RBFOX1: variants seen among roughly 807,000 people sequenced by gnomAD.
RBFOX1 encodes the protein RNA binding protein fox-1 homolog 1.
RBFOX1 carries 8 observed loss-of-function variants against 57.7 expected under a neutral mutation model. That is an observed-to-expected ratio of 0.14 (90% CI 0.08 to 0.25). The LOEUF (loss-of-function observed/expected upper bound fraction) is 0.25, where lower values mean the gene tolerates loss of function less well. Ranked by LOEUF, RBFOX1 falls within the 10% of genes least tolerant of loss-of-function variation. The pLI, the probability that RBFOX1 is intolerant of heterozygous loss-of-function variation, is 1.00. For missense variants in RBFOX1, 611 were observed against 548.5 expected (o/e 1.11, Z -1.14); for synonymous variants, 326 against 222.4 (o/e 1.47, Z -4.15).
chr16:6,538,546 C>A (rs548767788), intron 2 of RBFOX1, among the ~76,000 whole-genome samples: 94 of 152,206 alleles, frequency 6.2e-4, no homozygotes, highest in African/African-American at 2.1e-3. Flanking sequence ...TCATGCCACA[C>A]CCACTAGGAT....
At chr16:7,336,510 A>G (rs2096790730) in intron 4 of RBFOX1, among the ~76,000 whole-genome samples, 1 of 152,226 alleles carries the variant, frequency 6.6e-6, no homozygotes, top group African/African-American at 2.4e-5. Context: ...TCCTTCAGTT[A>G]TCCATTCACT....
intron 3 of RBFOX1, among the ~76,000 whole-genome samples, chr16:5,763,554 C>T (rs761625454): frequency 1.6e-4 from 25 of 152,264 alleles, no homozygotes; most frequent in Non-Finnish European, 3.1e-4. Context: ...GAGTAAATTG[C>T]TGCGATAGAA....
rs530333389 is a variant in RBFOX1, at chr16:7,045,943, C to T, written c.-15-6114C>T. ...AAAGTGCTGGGATTACAGGTGTGAG[C>T]CACCATGCCCGGCCAAGATAAACTT... On this transcript the variant is annotated intron_variant, in intron 3 of 15. Transcript: ENST00000550418. Among the ~76,000 whole-genome samples, 178 of 152,258 alleles carry T rather than the reference C, an allele frequency of 1.2e-3. 3 individuals carry two copies. The highest frequency in any genetic ancestry group is 4.3e-4 in the Non-Finnish European group (29 of 68,018).
intron 4 of RBFOX1, among the ~76,000 whole-genome samples, chr16:6,000,960 G>A (rs547002466): frequency 6.6e-6 from 1 of 151,822 alleles, no homozygotes; most frequent in African/African-American, 2.4e-5. Flanking sequence ...TGAATGAGTG[G>A]GTAGATGAGT....
At chr16:6,334,564 A>G (rs1401058064) in intron 2 of RBFOX1, among the ~76,000 whole-genome samples, 2 of 152,120 alleles carry the variant, frequency 1.3e-5, no homozygotes, top group South Asian at 2.1e-4. Flanking sequence ...ATATTGAGAA[A>G]TAAGATTCAA....
chr16:7,006,042 T>C (rs1018010896), intron 3 of RBFOX1, among the ~76,000 whole-genome samples: 1 of 152,214 alleles, frequency 6.6e-6, no homozygotes, highest in African/African-American at 2.4e-5. Flanking sequence ...TGGTTCCTCA[T>C]GGTATATGTT....
chr16:5,291,348 C>A (rs535575089), intron 1 of RBFOX1, among the ~76,000 whole-genome samples: 1 of 150,474 alleles, frequency 6.6e-6, no homozygotes, highest in African/African-American at 2.5e-5. Flanking sequence ...CTGCAAGCTC[C>A]GCCTTCCGGG....
intron 12 of RBFOX1, among the ~76,000 whole-genome samples, chr16:7,658,737 A>AT (rs2066945898): frequency 1.3e-5 from 2 of 152,204 alleles, no homozygotes; most frequent in African/African-American, 4.8e-5. Context: ...CACATGAGTT[A>AT]TTTTTGAGAT....
intron 4 of RBFOX1, among the ~76,000 whole-genome samples, chr16:7,082,608 T>G (rs1228511141): frequency 6.6e-6 from 1 of 152,112 alleles, no homozygotes; most frequent in African/African-American, 2.4e-5. Context: ...CAGCACTGAT[T>G]CAGTTGAGTT....
At chr16:6,421,556 G>A (rs1482556130) in intron 2 of RBFOX1, among the ~76,000 whole-genome samples, 1 of 152,142 alleles carries the variant, frequency 6.6e-6, no homozygotes, top group Non-Finnish European at 1.5e-5. Context: ...ATGGCCATGA[G>A]CATGGAGGTG....
intron 1 of RBFOX1, among the ~76,000 whole-genome samples, chr16:6,058,427 A>T (rs1301673524): frequency 6.6e-6 from 1 of 152,062 alleles, no homozygotes; most frequent in Non-Finnish European, 1.5e-5. Flanking sequence ...CATCTTTTAG[A>T]CCGTGTCATT....
At chr16:7,430,563 G>A (rs1295177056) in intron 4 of RBFOX1, among the ~76,000 whole-genome samples, 3 of 151,954 alleles carry the variant, frequency 2.0e-5, no homozygotes, top group African/African-American at 7.2e-5. Context: ...TCGAGAGGCT[G>A]AGGCAGAAGA....
intron 3 of RBFOX1, chr16:6,983,530 A>T (rs1018790625): frequency 6.6e-6 from 1 of 151,866 alleles, no homozygotes; most frequent in African/African-American, 2.4e-5. Flanking sequence ...GCAATTTTGC[A>T]TTGCACTCAC....
At chr16:6,869,579 T>C (rs1193521808) in intron 3 of RBFOX1, among the ~76,000 whole-genome samples, 1 of 151,830 alleles carries the variant, frequency 6.6e-6, no homozygotes, top group Non-Finnish European at 1.5e-5. Context: ...CTGTGCAGAG[T>C]AGGATGAAAT....
chr16:7,467,399 A>G (rs1378056154), intron 4 of RBFOX1, among the ~76,000 whole-genome samples: 1 of 152,190 alleles, frequency 6.6e-6, no homozygotes, highest in Non-Finnish European at 1.5e-5. Flanking sequence ...TTTCTTGAAG[A>G]CGTGCACTTT....
At chr16:7,333,945 C>A (rs917358007) in intron 4 of RBFOX1, among the ~76,000 whole-genome samples, 2 of 152,104 alleles carry the variant, frequency 1.3e-5, no homozygotes, top group Non-Finnish European at 2.9e-5. Flanking sequence ...CATCCCTTTG[C>A]AATAAATTCT....
chr16:7,275,439 C>G (rs1325026969), intron 4 of RBFOX1, among the ~76,000 whole-genome samples: 5 of 152,210 alleles, frequency 3.3e-5, no homozygotes, highest in Admixed American at 3.3e-4. Context: ...ATTCTCCAGA[C>G]ATTAACATAA....
At chr16:5,764,810 T>G (rs1251701684) in intron 3 of RBFOX1, among the ~76,000 whole-genome samples, 1 of 152,104 alleles carries the variant, frequency 6.6e-6, no homozygotes, top group Non-Finnish European at 1.5e-5. Context: ...TTTTTTATCA[T>G]TACAGCTTAT....
chr16:7,019,823 G>C (rs2094115734), intron 3 of RBFOX1, among the ~76,000 whole-genome samples: 1 of 152,170 alleles, frequency 6.6e-6, no homozygotes. Context: ...CTGAACATAT[G>C]ATTCTCTCTA....
Sources: allele counts gnomAD v4.1 joint callset (sites outside exome capture counted in the v4.1 genomes callset), GRCh38; gene constraint gnomAD v4.1.1; transcripts MANE v1.5; gene names NCBI Gene and HGNC (gene_info 2026-07-23, HGNC 2026-07-21).